Variants in CEP128 observed in about 807,000 individuals in gnomAD.
CEP128 encodes the protein centrosomal protein 128kDa.
CEP128 carries 132 observed loss-of-function variants against 156.7 expected under a neutral mutation model. The ratio of observed to expected loss-of-function variants is 0.84; its 90% CI spans 0.73 to 0.97. The LOEUF is 0.97. CEP128 is among the 50% of genes least tolerant of loss of function. The pLI is 0.00. For synonymous variants in CEP128, 469 were observed against 448.9 expected (o/e 1.04, Z -0.57); for missense variants, 1,252 against 1,281.9 (o/e 0.98, Z 0.36).
intron 8 of CEP128, among the ~76,000 whole-genome samples, chr14:80,873,248 T>C (rs1174575819): frequency 6.6e-6 from 1 of 152,224 alleles, no homozygotes; most frequent in Non-Finnish European, 1.5e-5. Context: ...AGTTGCACTT[T>C]ATGTGATATG....
intron 3 of CEP128, among the ~76,000 whole-genome samples, chr14:80,915,497 G>A (rs1010206977): frequency 6.6e-6 from 1 of 152,180 alleles, no homozygotes; most frequent in Non-Finnish European, 1.5e-5. Context: ...TAATGCGTAG[G>A]AAATACCTTA....
intron 19 of CEP128, among the ~76,000 whole-genome samples, chr14:80,635,888 C>T (rs35804610): frequency 0.022 from 3,281 of 152,268 alleles, 55 homozygotes; most frequent in Non-Finnish European, 0.035. Flanking sequence ...TATTCAGTGT[C>T]CTCAAGGGAA....
chr14:80,673,306 C>T (rs1400315260), intron 19 of CEP128, among the ~76,000 whole-genome samples: 1 of 152,138 alleles, frequency 6.6e-6, no homozygotes, highest in African/African-American at 2.4e-5. Flanking sequence ...TTTCTTGCCT[C>T]AGTAAAACTA....
intron 2 of CEP128, chr14:80,955,949 AGTGTGTGAGT>A: frequency 7.3e-7 from 1 of 1,373,996 alleles, no homozygotes; most frequent in Non-Finnish European, 1.0e-6. Flanking sequence ...AGCCCGAAGT[AGTGTGTGAGT>A]GTGTGTATGT....
chr14:80,717,016 T>G (rs1897632272), intron 19 of CEP128, among the ~76,000 whole-genome samples: 1 of 152,176 alleles, frequency 6.6e-6, no homozygotes, highest in African/African-American at 2.4e-5. Context: ...CCATTTTACA[T>G]CTACTATGGA....
chr14:80,821,600 T>C (rs796540031), intron 13 of CEP128, among the ~76,000 whole-genome samples: 75 of 145,364 alleles, frequency 5.2e-4, no homozygotes, highest in Non-Finnish European at 7.5e-4. Flanking sequence ...CATACACACA[T>C]ACACACACAC....
At chr14:80,908,124 C>T (rs1883996130) in intron 4 of CEP128, among the ~76,000 whole-genome samples, 2 of 152,052 alleles carry the variant, frequency 1.3e-5, no homozygotes, top group South Asian at 4.2e-4. Context: ...TTTCTCTTTA[C>T]TTTTGTCAGT....
At chr14:80,676,154 A>ATC (rs1168782725) in intron 19 of CEP128, among the ~76,000 whole-genome samples, 22 of 152,252 alleles carry the variant, frequency 1.4e-4, no homozygotes, top group African/African-American at 5.1e-4. Context: ...AGAGCTGAAC[A>ATC]TCTCTATGAT....
Position 80,927,745 on chromosome 14 carries a change from A to G in CEP128, c.-15-11183T>C, listed in dbSNP as rs189295158. ...TGTGACCTCTGCCCACCACTGGGAT[A>G]CTGCATTTACCCAACTGCTTTAGTT... On this transcript the variant is annotated intron_variant, in intron 2 of 24. Coordinates refer to ENST00000555265, the MANE Select transcript of CEP128 (RefSeq NM_152446.5). Among the ~76,000 whole-genome samples the G allele has an allele frequency of 8.0e-3, 1,222 of 152,332 alleles. 10 individuals carry two copies. The highest frequency in any genetic ancestry group is 0.01 in the Non-Finnish European group (684 of 68,022).
rs150341859 is a variant in CEP128 at position 80,839,764 on chromosome 14, C to T, written c.849+918G>A. Among the ~76,000 whole-genome samples the T allele has an allele frequency of 8.9e-3, 1,356 of 151,990 alleles. 17 individuals are homozygous for T. The highest frequency in any genetic ancestry group is 0.015 in the Non-Finnish European group (1,034 of 67,962). On this transcript the variant is annotated intron_variant, in intron 10 of 24. Transcript: ENST00000555265. ...AATTTTTTAAAAATTATACATGTGG[C>T]TCATAAAACAAATGTCATATTAAAA...
At chr14:80,754,423 G>T (rs1341874262) in intron 18 of CEP128, among the ~76,000 whole-genome samples, 10 of 142,502 alleles carry the variant, frequency 7.0e-5, no homozygotes, top group African/African-American at 2.6e-4. Flanking sequence ...TCTGCATATT[G>T]TCTGTCTTTC....
intron 19 of CEP128, among the ~76,000 whole-genome samples, chr14:80,644,134 A>G (rs1221987548): frequency 1.3e-5 from 2 of 152,182 alleles, no homozygotes; most frequent in Non-Finnish European, 2.9e-5. Flanking sequence ...CCAAAAGCTG[A>G]GACAAAGAAG....
intron 14 of CEP128, among the ~76,000 whole-genome samples, chr14:80,478,620 T>A (rs1886991522): frequency 6.6e-6 from 1 of 152,200 alleles, no homozygotes; most frequent in Non-Finnish European, 1.5e-5. Context: ...ATAAGATACA[T>A]TCTTGAATGA....
chr14:80,953,295 G>T (rs1445591213), intron 2 of CEP128, among the ~76,000 whole-genome samples: 1 of 152,194 alleles, frequency 6.6e-6, no homozygotes, highest in African/African-American at 2.4e-5. Context: ...TTAAAAAGAT[G>T]ATAAACACGG....
chr14:80,691,294 G>A (rs947797792), intron 19 of CEP128, among the ~76,000 whole-genome samples: 1 of 152,104 alleles, frequency 6.6e-6, no homozygotes, highest in Non-Finnish European at 1.5e-5. Context: ...TTAATCAGAA[G>A]TCAATTATCC....
intron 19 of CEP128, among the ~76,000 whole-genome samples, chr14:80,653,465 A>T (rs1379062393): frequency 1.3e-5 from 2 of 152,178 alleles, no homozygotes; most frequent in Non-Finnish European, 2.9e-5. Flanking sequence ...TATCCAGAAG[A>T]TCTAGCTAAG....
chr14:80,514,173 C>T (rs909834962), intron 23 of CEP128, among the ~76,000 whole-genome samples: 1 of 152,082 alleles, frequency 6.6e-6, no homozygotes, highest in African/African-American at 2.4e-5. Flanking sequence ...TTGAGTTGTC[C>T]CACCTTTCTG....
At chr14:80,952,035 GA>G (rs112682228) in intron 2 of CEP128, among the ~76,000 whole-genome samples, 13 of 151,438 alleles carry the variant, frequency 8.6e-5, no homozygotes, top group East Asian at 3.9e-4. Flanking sequence ...CAATGAGGGG[GA>G]AAAAAAACAA....
intron 8 of CEP128, among the ~76,000 whole-genome samples, chr14:80,864,715 C>T (rs995149099): frequency 6.6e-6 from 1 of 152,070 alleles, no homozygotes; most frequent in Admixed American, 6.6e-5. Flanking sequence ...TGCCACCACG[C>T]CTGGCTAATT....
Sources: gnomAD v4.1 joint callset for allele counts (sites outside exome capture counted in the v4.1 genomes callset) on GRCh38, gnomAD v4.1.1 for gene constraint, MANE v1.5 for transcripts, NCBI Gene and HGNC (gene_info 2026-07-23, HGNC 2026-07-21) for gene names.